ADCY2: variants seen among roughly 807,000 people sequenced by gnomAD.
ADCY2 encodes adenylate cyclase type 2.
A neutral mutation model predicts 125.2 loss-of-function variants in ADCY2; 31 were observed. The ratio of observed to expected loss-of-function variants is 0.25; its 90% confidence interval spans 0.19 to 0.33. The LOEUF (loss-of-function observed/expected upper bound fraction) is 0.33, where lower values mean the gene tolerates loss of function less well. ADCY2 is among the 10% of genes least tolerant of loss of function. The pLI, the probability that ADCY2 is intolerant of heterozygous loss-of-function variation, is 1.00. For missense variants in ADCY2, 904 were observed against 1,418.2 expected, an observed-to-expected ratio of 0.64 and a Z score of 5.82; for synonymous variants, 512 against 548.4, an observed-to-expected ratio of 0.93 and a Z score of 0.93.
At chr5:7,652,411 C>G (rs766647987) in intron 4 of ADCY2, among the ~76,000 whole-genome samples, 1 of 152,106 alleles carries the variant, frequency 6.6e-6, no homozygotes, top group Non-Finnish European at 1.5e-5. Context: ...AAGTGTCAAC[C>G]GTAAAATACT....
At chr5:7,513,715 C>T (rs1203189069) in intron 2 of ADCY2, among the ~76,000 whole-genome samples, 3 of 152,156 alleles carry the variant, frequency 2.0e-5, no homozygotes, top group Admixed American at 6.5e-5. Flanking sequence ...CAATGAGATA[C>T]AATGTATAAG....
chr5:7,825,221 C>CGCCACGACAACGCTGCTGTGT (rs1553993140), intron 24 of ADCY2, among the ~76,000 whole-genome samples: 1,805 of 143,382 alleles, frequency 0.013, 27 homozygotes, highest in African/African-American at 0.042. Flanking sequence ...CGCTGCTGTG[C>CGCCACGACAACGCTGCTGTGT]GCCACGACAA....
intron 4 of ADCY2, among the ~76,000 whole-genome samples, chr5:7,690,183 A>G (rs1366414): frequency 0.17 from 25,178 of 152,174 alleles, 2,388 homozygotes; most frequent in Admixed American, 0.33. Context: ...TAGAATTTCT[A>G]AAGAGGATTA....
At chr5:7,692,747 A>G (rs1475166630) in intron 5 of ADCY2, among the ~76,000 whole-genome samples, 1 of 152,104 alleles carries the variant, frequency 6.6e-6, no homozygotes, top group Non-Finnish European at 1.5e-5. Context: ...ATGACATTGC[A>G]TTCCCTCAGT....
chr5:7,652,792 T>C (rs1739142662), intron 4 of ADCY2, among the ~76,000 whole-genome samples: 1 of 152,172 alleles, frequency 6.6e-6, no homozygotes, highest in South Asian at 2.1e-4. Flanking sequence ...GCCTGGGGAA[T>C]GATGCTCCCT....
intron 2 of ADCY2, among the ~76,000 whole-genome samples, chr5:7,511,155 A>C (rs1165137652): frequency 6.6e-6 from 1 of 152,230 alleles, no homozygotes; most frequent in African/African-American, 2.4e-5. Context: ...GCAGGGACCC[A>C]TCCCAACAGT....
rs369609417 is a variant in ADCY2 at position 7,690,676 on chromosome 5, C to T, written c.721-15C>T. 104 of 1,549,660 alleles carry T rather than the reference C, an allele frequency of 6.7e-5. No individual in the cohort carries two copies. The highest frequency in any genetic ancestry group is 6.0e-5 in the Non-Finnish European group (69 of 1,151,900). On this transcript the variant is annotated splice_polypyrimidine_tract_variant and intron_variant, in intron 4 of 24. Coordinates refer to ENST00000338316, the MANE Select transcript of ADCY2 (RefSeq NM_020546.3). ...GTCTGAGAGACATTTGTTCCTCCTT[C>T]CCCACCTTGTCCAGGAGCGGCTTCT...
intron 3 of ADCY2, among the ~76,000 whole-genome samples, chr5:7,556,540 C>G (rs1735511820): frequency 6.6e-6 from 1 of 152,164 alleles, no homozygotes; most frequent in Non-Finnish European, 1.5e-5. Flanking sequence ...CGGGAAGTTT[C>G]AACATTATAT....
chr5:7,427,677 A>C (rs1167666164), intron 2 of ADCY2, among the ~76,000 whole-genome samples: 1 of 152,172 alleles, frequency 6.6e-6, no homozygotes, highest in East Asian at 1.9e-4. Flanking sequence ...TACATCTACA[A>C]TGATCTTATT....
chr5:7,759,589 A>G (rs1295729300), intron 16 of ADCY2, among the ~76,000 whole-genome samples: 2 of 152,184 alleles, frequency 1.3e-5, no homozygotes, highest in Non-Finnish European at 2.9e-5. Context: ...AGGTGTTTGC[A>G]TCACCCGAGG....
chr5:7,545,674 C>A (rs1735125665), intron 3 of ADCY2, among the ~76,000 whole-genome samples: 1 of 152,198 alleles, frequency 6.6e-6, no homozygotes, highest in Non-Finnish European at 1.5e-5. Context: ...GCCTGTCCTT[C>A]AGAGGGGCAG....
At chr5:7,615,151 G>A (rs1737709196) in intron 3 of ADCY2, among the ~76,000 whole-genome samples, 1 of 152,096 alleles carries the variant, frequency 6.6e-6, no homozygotes, top group African/African-American at 2.4e-5. Flanking sequence ...GAACAGCAAG[G>A]GGGAAATCTG....
chr5:7,669,969 C>T (rs771272491), intron 4 of ADCY2, among the ~76,000 whole-genome samples: 10 of 152,212 alleles, frequency 6.6e-5, no homozygotes, highest in Non-Finnish European at 1.0e-4. Flanking sequence ...GCATAGTCAC[C>T]ATTCCCAACA....
Position 7,548,765 on chromosome 5 carries a change from G to A in ADCY2, c.570+27866G>A, listed in dbSNP as rs565503730. On this transcript the variant is annotated intron_variant, in intron 3 of 24. Coordinates refer to ENST00000338316, the MANE Select transcript of ADCY2 (RefSeq NM_020546.3). The stretch of plus-strand genomic sequence containing the variant: ...TTGACACAGTATGTCCATACTTTAG[G>A]CCCTGAAGAATCTTCTTGGCAGCTT... Among the ~76,000 whole-genome samples the A allele has an allele frequency of 9.9e-5, 15 of 152,214 alleles. No homozygotes were observed. In the South Asian group the frequency reaches 3.1e-3, roughly 32 times the overall value.
At chr5:7,446,474 T>C (rs1315376803) in intron 2 of ADCY2, among the ~76,000 whole-genome samples, 1 of 152,222 alleles carries the variant, frequency 6.6e-6, no homozygotes, top group Non-Finnish European at 1.5e-5. Flanking sequence ...ATTGTCTTTG[T>C]TGCTTGAGGC....
rs559485021 is a variant in ADCY2, at chr5:7,709,700, C to G, written c.1578+313C>G. On this transcript the variant is annotated intron_variant, in intron 10 of 24. Coordinates refer to ENST00000338316, the MANE Select transcript of ADCY2 (RefSeq NM_020546.3). This position sits in a 1 kb window ranked among gnomAD's most constrained non-coding sequence, Gnocchi z 4.4. ...GGGGTTTTTTAAGAAAAACTTCTAT[C>G]ATGAAGTAGAAAGCCTTGAGGTTCT... is the stretch of plus-strand genomic sequence containing the variant. 6.6e-6 allele frequency among the ~76,000 whole-genome samples: 1 copy of G among 152,128 alleles called. No homozygotes were observed. The highest frequency in any genetic ancestry group is 1.9e-4 in the East Asian group (1 of 5,184).
intron 2 of ADCY2, among the ~76,000 whole-genome samples, chr5:7,465,072 C>T (rs1409706579): frequency 6.6e-6 from 1 of 152,160 alleles, no homozygotes; most frequent in Admixed American, 6.5e-5. Flanking sequence ...TTACTCACTA[C>T]TATGAGAACA....
intron 17 of ADCY2, 114 bp from the exon 18 acceptor site, chr5:7,772,818 C>T: frequency 1.1e-6 from 1 of 947,094 alleles, no homozygotes; most frequent in Non-Finnish European, 1.5e-6. Flanking sequence ...TCTGTTTTCA[C>T]AGCCACCTTA....
chr5:7,506,174 C>T (rs1743806251), intron 2 of ADCY2, among the ~76,000 whole-genome samples: 1 of 152,024 alleles, frequency 6.6e-6, no homozygotes, highest in African/African-American at 2.4e-5. Context: ...AGTCTATTAG[C>T]CATAGATTCA....
Sources: allele counts gnomAD v4.1 joint callset (sites outside exome capture counted in the v4.1 genomes callset), GRCh38; gene constraint gnomAD v4.1.1; non-coding constraint Gnocchi (gnomAD v3.1); transcripts MANE v1.5; gene names NCBI Gene and HGNC (gene_info 2026-07-23, HGNC 2026-07-21).